The following PCDHA5 variants were observed in gnomAD, a reference collection of about 807,000 sequenced individuals.
The protein encoded by PCDHA5 is protocadherin alpha 5.
PCDHA5 carries 43 observed loss-of-function variants against 61.6 expected under a neutral mutation model. The observed-to-expected ratio is 0.70, with a 90% confidence interval of 0.55 to 0.90. PCDHA5 has a LOEUF of 0.90. Ranked by LOEUF, PCDHA5 falls within the 40% of genes least tolerant of loss-of-function variation. The probability of loss-of-function intolerance (pLI) is 0.00; values close to 1 mark genes in which losing one functional copy is unlikely to be tolerated. For missense variants in PCDHA5, 1,298 were observed against 1,222.7 expected, an observed-to-expected ratio of 1.06 and a Z score of -0.92; for synonymous variants, 627 against 543.9, an observed-to-expected ratio of 1.15 and a Z score of -2.13.
At position 140,835,754 on chromosome 5, in the gene PCDHA5, G is replaced by C. The variant is rs1562349342; in HGVS notation, c.2352+11627G>C. On this transcript the variant is annotated intron_variant, in intron 1 of 3. Coordinates refer to ENST00000529859, the MANE Select transcript of PCDHA5 (RefSeq NM_018908.3). ...ACGACAACGCCCCGGCGTTCGCGCA[G>C]CCCGAGTATACGGTGTTCGTGAAGG... 3.1e-6 allele frequency: 5 copies of C among 1,613,576 alleles called. No individual in the cohort carries two copies. In the Admixed American group the frequency reaches 8.3e-5, roughly 27 times the overall value.
chr5:140,829,581 G>A, intron 1 of PCDHA5: 2 of 1,612,280 alleles, frequency 1.2e-6, no homozygotes, highest in Non-Finnish European at 1.7e-6. Flanking sequence ...CTGGTGGAGC[G>A]GCGGGTGGGC....
chr5:140,988,403 C>T (rs1054317981), intron 3 of PCDHA5, among the ~76,000 whole-genome samples: 3 of 152,036 alleles, frequency 2.0e-5, no homozygotes, highest in African/African-American at 4.8e-5. Context: ...GAGTTCTCTT[C>T]GCAGCTTATG....
intron 1 of PCDHA5, chr5:140,927,928 T>C: frequency 6.2e-7 from 1 of 1,614,214 alleles, no homozygotes; most frequent in Non-Finnish European, 8.5e-7. Context: ...CCTGACTCTT[T>C]CGAACCCAGT....
chr5:140,827,773 C>T (rs1296750713), intron 1 of PCDHA5, among the ~76,000 whole-genome samples: 1 of 152,120 alleles, frequency 6.6e-6, no homozygotes, highest in East Asian at 1.9e-4. Context: ...TAAAAGAAGT[C>T]GGGATAACAC....
chr5:140,891,270 C>T (rs1049558993), intron 1 of PCDHA5, among the ~76,000 whole-genome samples: 1 of 151,570 alleles, frequency 6.6e-6, no homozygotes, highest in East Asian at 1.9e-4. Context: ...TTAATTTTTC[C>T]GTAAGTTATT....
In PCDHA5 at chr5:140,836,794, C is replaced by T. The variant is rs2150270032; in HGVS notation, c.2352+12667C>T. 8 of 1,396,752 alleles carry T rather than the reference C, an allele frequency of 5.7e-6. No individual in the cohort carries two copies. In the African/African-American group the frequency reaches 7.2e-5, roughly 13 times the overall value. The allele number at this position is 1,396,752 out of a possible 1,614,324, so 86.5% of individuals were successfully genotyped here. A position where few individuals can be genotyped will look rare whatever the true frequency, so the allele number is the denominator to read the frequency against. The stretch of plus-strand genomic sequence containing the variant: ...TTTTAAAACAATTAGTTCAATTGGT[C>T]TCCTTAAATTTTCTTTCATAATTTC... On this transcript the variant is annotated intron_variant, in intron 1 of 3. Transcript: ENST00000529859.
intron 1 of PCDHA5, among the ~76,000 whole-genome samples, chr5:140,955,667 T>C (rs1485421057): frequency 6.6e-6 from 1 of 152,188 alleles, no homozygotes; most frequent in Admixed American, 6.5e-5. Flanking sequence ...AATTTTAACA[T>C]AGTTTTTTCG....
intron 1 of PCDHA5, among the ~76,000 whole-genome samples, chr5:140,878,776 T>C (rs1437840291): frequency 2.0e-5 from 3 of 152,226 alleles, no homozygotes; most frequent in Non-Finnish European, 4.4e-5. Flanking sequence ...TGGAATATAG[T>C]ATATGTTCAA....
rs2150425951 is a variant in PCDHA5 at position 140,848,946 on chromosome 5, C to A, written c.2352+24819C>A. The A allele has an allele frequency of 3.1e-6, 5 of 1,607,242 alleles. No individual in the cohort carries two copies. In the South Asian group the frequency reaches 5.5e-5, roughly 18 times the overall value. ...CGCGGAATCCAGGCCGCTTGACTCT[C>A]GGTTTCCACTAGAGGGCGCGTCCGA... On this transcript the variant is annotated intron_variant, in intron 1 of 3. Transcript: ENST00000529859.
At chr5:140,888,834 C>T (rs2061995964) in intron 1 of PCDHA5, among the ~76,000 whole-genome samples, 1 of 152,080 alleles carries the variant, frequency 6.6e-6, no homozygotes, top group Non-Finnish European at 1.5e-5. Context: ...CATCACTCCA[C>T]TGCAGCCTGG....
chr5:140,904,939 T>G (rs1418494936), intron 1 of PCDHA5, among the ~76,000 whole-genome samples: 3 of 152,254 alleles, frequency 2.0e-5, no homozygotes, highest in Admixed American at 2.0e-4. Flanking sequence ...TTCTGGATAT[T>G]AGTCCTTTGT....
intron 1 of PCDHA5, chr5:140,827,970 C>A (rs1398838770): frequency 2.2e-6 from 3 of 1,380,228 alleles, no homozygotes; most frequent in Non-Finnish European, 3.0e-6. Flanking sequence ...ATTACTGCAT[C>A]ATTCCCTGAC....
Position 140,849,199 on chromosome 5 carries a change from A to G in PCDHA5, c.2352+25072A>G, listed in dbSNP as rs1581177103. 1 of 1,039,422 alleles carries G rather than the reference A, an allele frequency of 9.6e-7. No homozygotes were observed. The allele number at this position is 1,039,422 out of a possible 1,614,324, so 64.4% of individuals were successfully genotyped here. On this transcript the variant is annotated intron_variant, in intron 1 of 3. Transcript: ENST00000529859. Reference sequence around the variant, plus strand: ...CAATTACTCATCACGGTACTGGACAACAATGACAATGCCCCAGTGTTCGAC... The same window carrying G: ...CAATTACTCATCACGGTACTGGACAGCAATGACAATGCCCCAGTGTTCGAC...
intron 1 of PCDHA5, chr5:140,881,443 G>A: frequency 1.2e-6 from 1 of 818,722 alleles, no homozygotes; most frequent in Non-Finnish European, 1.5e-6. Context: ...TATAAAAACA[G>A]AATCCAAAAC....
intron 1 of PCDHA5, chr5:140,843,264 T>C (rs1188408324): frequency 6.3e-7 from 1 of 1,595,962 alleles, no homozygotes; most frequent in Admixed American, 1.7e-5. Flanking sequence ...CACCGTCTGC[T>C]GGTCCTGGTG....
intron 1 of PCDHA5, chr5:140,829,034 T>G: frequency 6.2e-7 from 1 of 1,613,244 alleles, no homozygotes; most frequent in Non-Finnish European, 8.5e-7. Flanking sequence ...ACAAGAAAAC[T>G]TATACAAAAT....
intron 1 of PCDHA5, among the ~76,000 whole-genome samples, chr5:140,972,724 C>T (rs953044769): frequency 1.9e-4 from 27 of 140,890 alleles, no homozygotes; most frequent in Non-Finnish European, 3.3e-4. Context: ...AGTGCAGTGG[C>T]GTAATCCCGG....
chr5:140,836,110 C>T, intron 1 of PCDHA5: 1 of 1,613,694 alleles, frequency 6.2e-7, no homozygotes, highest in Non-Finnish European at 8.5e-7. Flanking sequence ...ACTGGTGGCG[C>T]AGTGAGAGAG....
At chr5:140,865,437 T>A (rs951308725) in intron 1 of PCDHA5, 1 of 152,200 alleles carries the variant, frequency 6.6e-6, no homozygotes, top group Non-Finnish European at 1.5e-5. Flanking sequence ...GAAAAATAAC[T>A]TCTGAGAAGA....
Sources: allele counts gnomAD v4.1 joint callset (sites outside exome capture counted in the v4.1 genomes callset), GRCh38; gene constraint gnomAD v4.1.1; transcripts MANE v1.5; gene names NCBI Gene and HGNC (gene_info 2026-07-23, HGNC 2026-07-21).